FLRT2: variants seen among roughly 807,000 people sequenced by gnomAD.
FLRT2 encodes leucine-rich repeat transmembrane protein FLRT2.
A neutral mutation model predicts 40.0 loss-of-function variants in FLRT2; 15 were observed. The observed-to-expected ratio is 0.38, with a 90% CI of 0.25 to 0.58. The LOEUF (loss-of-function observed/expected upper bound fraction) is 0.58, where lower values mean the gene tolerates loss of function less well. Ranked by LOEUF, FLRT2 falls within the 20% of genes least tolerant of loss-of-function variation. The probability of loss-of-function intolerance (pLI) is 0.71; values close to 1 mark genes in which losing one functional copy is unlikely to be tolerated. For missense variants in FLRT2, 726 were observed against 840.0 expected (o/e 0.86, Z 1.68); for synonymous variants, 380 against 336.8 (o/e 1.13, Z -1.41).
intron 1 of FLRT2, among the ~76,000 whole-genome samples, chr14:85,577,138 A>G (rs1478758185): frequency 6.6e-6 from 1 of 152,202 alleles, no homozygotes; most frequent in South Asian, 2.1e-4. Context: ...TCTGAGGCCC[A>G]TGGAATCCCA....
At chr14:85,610,399 T>C (rs1233073539) in intron 1 of FLRT2, among the ~76,000 whole-genome samples, 1 of 152,228 alleles carries the variant, frequency 6.6e-6, no homozygotes, top group Non-Finnish European at 1.5e-5. Context: ...CAGCTCTTTA[T>C]TGGCTAGATC....
intron 1 of FLRT2, among the ~76,000 whole-genome samples, chr14:85,579,504 T>C (rs1215745655): frequency 6.6e-6 from 1 of 152,068 alleles, no homozygotes; most frequent in African/African-American, 2.4e-5. Flanking sequence ...GGCTGGAAAG[T>C]GTCGGAAAAT....
chr14:85,563,968 T>G (rs191113615), intron 1 of FLRT2, among the ~76,000 whole-genome samples: 1 of 152,196 alleles, frequency 6.6e-6, no homozygotes. Flanking sequence ...GAGACACTCA[T>G]GTAGAAGCCC....
chr14:85,613,616 T>C (rs1892996870), intron 1 of FLRT2, among the ~76,000 whole-genome samples: 1 of 152,170 alleles, frequency 6.6e-6, no homozygotes, highest in Non-Finnish European at 1.5e-5. Context: ...AAAGTAATCA[T>C]CTGAAGGTCG....
chr14:85,534,522 G>C (rs1373054767), intron 1 of FLRT2, among the ~76,000 whole-genome samples: 1 of 152,092 alleles, frequency 6.6e-6, no homozygotes, highest in African/African-American at 2.4e-5. Flanking sequence ...CATAAAATAG[G>C]AACTTTAGAA....
intron 1 of FLRT2, among the ~76,000 whole-genome samples, chr14:85,615,315 A>G (rs1440959059): frequency 6.6e-6 from 1 of 152,218 alleles, no homozygotes; most frequent in African/African-American, 2.4e-5. Flanking sequence ...ACTCCAACCA[A>G]TTGGAAACCA....
chr14:85,532,988 C>G (rs1244436714), intron 1 of FLRT2, among the ~76,000 whole-genome samples: 1 of 152,158 alleles, frequency 6.6e-6, no homozygotes, highest in Non-Finnish European at 1.5e-5. Context: ...GAGAGAAGGT[C>G]AGGGTGGCAT....
chr14:85,576,315 T>G (rs1891124673), intron 1 of FLRT2, among the ~76,000 whole-genome samples: 2 of 152,214 alleles, frequency 1.3e-5, no homozygotes, highest in South Asian at 4.1e-4. Context: ...TCCATTACCA[T>G]GGTTATCTTC....
Position 85,644,741 on chromosome 14 carries a change from G to A in FLRT2, c.*21244G>A, listed in dbSNP as rs1894249123. 1 of 152,194 alleles carries A rather than the reference G, an allele frequency of 6.6e-6. No homozygotes were observed. Among genetic ancestry groups the A allele is most frequent in the Non-Finnish European group, 1.5e-5 (1 of 68,034 alleles). 9.4% of individuals were successfully genotyped at this position (152,194 alleles called of 1,614,324 possible). ...AATACTTAGTAATCCCTAAAGCTGT[G>A]AATTTGGAGTTTGTTGCTGAGGAAG... On this transcript the variant is annotated 3_prime_UTR_variant, in exon 2 of 2. Transcript: ENST00000330753.
At chr14:85,607,568 T>C (rs1421667276) in intron 1 of FLRT2, among the ~76,000 whole-genome samples, 2 of 152,116 alleles carry the variant, frequency 1.3e-5, no homozygotes, top group East Asian at 3.9e-4. Flanking sequence ...AGAAATGTTT[T>C]TGGGGAGGCC....
At chr14:85,576,381 T>C (rs1160623275) in intron 1 of FLRT2, among the ~76,000 whole-genome samples, 2 of 152,170 alleles carry the variant, frequency 1.3e-5, no homozygotes, top group Non-Finnish European at 2.9e-5. Flanking sequence ...GGCAGAGACA[T>C]TGTAATTTGT....
At chr14:85,611,455 C>A (rs1246791161) in intron 1 of FLRT2, among the ~76,000 whole-genome samples, 2 of 152,102 alleles carry the variant, frequency 1.3e-5, no homozygotes, top group African/African-American at 4.8e-5. Context: ...GTCAGAGAAC[C>A]AACAAGGAAA....
chr14:85,605,643 A>G (rs756936974), intron 1 of FLRT2, among the ~76,000 whole-genome samples: 6 of 152,090 alleles, frequency 3.9e-5, no homozygotes, highest in South Asian at 2.1e-4. Context: ...GGTGGCGGGC[A>G]CCTGTAGTCC....
chr14:85,578,818 G>A (rs185684243), intron 1 of FLRT2, among the ~76,000 whole-genome samples: 2 of 152,258 alleles, frequency 1.3e-5, no homozygotes, highest in African/African-American at 4.8e-5. Flanking sequence ...AAATATGGCT[G>A]CCTTGTCATG....
In FLRT2 at chr14:85,631,112, T is replaced by TTATATATA. The variant is rs66700454; in HGVS notation, c.*7625_*7632dup. 8.2e-4 allele frequency: 75 copies of TTATATATA among 91,862 alleles called. 5 individuals are homozygous for TTATATATA. In the South Asian group the frequency reaches 9.9e-3, roughly 12 times the overall value. The allele number at this position is 91,862 out of a possible 1,614,324, so 5.7% of individuals were successfully genotyped here. A position where few individuals can be genotyped will look rare whatever the true frequency, so the allele number is the denominator to read the frequency against. ...TATAATTACATATATAATCTAGATT[T>TTATATATA]TATATATATATATATATGAAATGAG... On this transcript the variant is annotated 3_prime_UTR_variant, in exon 2 of 2. Coordinates refer to ENST00000330753, the MANE Select transcript of FLRT2 (RefSeq NM_013231.6).
intron 1 of FLRT2, among the ~76,000 whole-genome samples, chr14:85,581,164 G>T (rs1329031231): frequency 2.0e-5 from 3 of 152,154 alleles, no homozygotes; most frequent in African/African-American, 7.2e-5. Flanking sequence ...GCCCACAGTG[G>T]GATGGTATTA....
At chr14:85,590,842 C>T (rs1042301758) in intron 1 of FLRT2, among the ~76,000 whole-genome samples, 1 of 152,158 alleles carries the variant, frequency 6.6e-6, no homozygotes, top group South Asian at 2.1e-4. Flanking sequence ...AGGTGATCCA[C>T]CTACCTTGGC....
At position 85,642,891 on chromosome 14, in the gene FLRT2, A is replaced by G. The variant is rs1285440517; in HGVS notation, c.*19394A>G. 6.6e-6 allele frequency: 1 copy of G among 152,202 alleles called. No individual in the cohort carries two copies. The highest frequency in any genetic ancestry group is 1.5e-5 in the Non-Finnish European group (1 of 68,044). 9.4% of individuals were successfully genotyped at this position (152,202 alleles called of 1,614,324 possible). A position where few individuals can be genotyped will look rare whatever the true frequency, so the allele number is the denominator to read the frequency against. ...TTTATTAGTCAGTTTGGACTGCTGT[A>G]ACAAAAATACCATAGACTGAGTGGC... On this transcript the variant is annotated 3_prime_UTR_variant, in exon 2 of 2. Transcript: ENST00000330753.
Position 85,631,796 on chromosome 14 carries a change from TA to T in FLRT2, c.*8304del, listed in dbSNP as rs1893881020. The T allele has an allele frequency of 1.3e-5, 2 of 152,162 alleles. No individual in the cohort carries two copies. Among genetic ancestry groups the T allele is most frequent in the Non-Finnish European group, 2.9e-5 (2 of 68,032 alleles). The allele number at this position is 152,162 out of a possible 1,614,324, so 9.4% of individuals were successfully genotyped here. On this transcript the variant is annotated 3_prime_UTR_variant, in exon 2 of 2. Transcript: ENST00000330753. ...TCATAGGATGTGCTGAGATAACAAT[TA>T]AAAAGACCTGAAGAACATCTTTTTA...
Sources: gnomAD v4.1 joint callset for allele counts (sites outside exome capture counted in the v4.1 genomes callset) on GRCh38, gnomAD v4.1.1 for gene constraint, MANE v1.5 for transcripts, NCBI Gene and HGNC (gene_info 2026-07-23, HGNC 2026-07-21) for gene names.